SLC35F5: variants seen among roughly 807,000 people sequenced by gnomAD.
The protein encoded by SLC35F5 is HCV NS5A-transactivated protein 3.
SLC35F5 carries 54 observed loss-of-function variants against 68.6 expected under a neutral mutation model. That is an observed-to-expected ratio of 0.79 (90% confidence interval 0.63 to 0.99). The LOEUF (loss-of-function observed/expected upper bound fraction) is 0.99, where lower values mean the gene tolerates loss of function less well. Ranked by LOEUF, SLC35F5 falls within the 50% of genes least tolerant of loss-of-function variation. The pLI is 0.00. For synonymous variants in SLC35F5, 211 were observed against 205.2 expected (o/e 1.03, Z -0.24); for missense variants, 567 against 626.9 (o/e 0.90, Z 1.02).
chr2:113,713,111 A>C lies in SLC35F5; in HGVS notation c.*2107T>G, dbSNP rs1427253177. 1 of 152,238 alleles carries C rather than the reference A, an allele frequency of 6.6e-6. No individual in the cohort carries two copies. The highest frequency in any genetic ancestry group is 2.1e-4 in the South Asian group (1 of 4,836). 9.4% of individuals were successfully genotyped at this position (152,238 alleles called of 1,614,324 possible). ...AATGCAACAATCATTCAGATAAATA[A>C]AACCTGTGAGAAAAAGCAAACAGGT... On this transcript the variant is annotated 3_prime_UTR_variant, in exon 16 of 16. Transcript: ENST00000245680.
At position 113,712,421 on chromosome 2, in the gene SLC35F5, A is replaced by G. The variant is rs1251019918; in HGVS notation, c.*2797T>C. Among the ~76,000 whole-genome samples the G allele has an allele frequency of 1.3e-5, 2 of 151,972 alleles. No homozygotes were observed. Among genetic ancestry groups the G allele is most frequent in the African/African-American group, 4.8e-5 (2 of 41,364 alleles). Reference sequence around the variant, plus strand: ...AGGCTCCGCCTCCCGGGTTCACGCCATTCTGCTGCCTCAGCCTCCCGAGCA... The same window carrying G: ...AGGCTCCGCCTCCCGGGTTCACGCCGTTCTGCTGCCTCAGCCTCCCGAGCA... On this transcript the variant is annotated 3_prime_UTR_variant, in exon 16 of 16. Coordinates refer to ENST00000245680, the MANE Select transcript of SLC35F5 (RefSeq NM_025181.5).
At chr2:113,726,844 C>T (rs7600550) in intron 11 of SLC35F5, among the ~76,000 whole-genome samples, 75,247 of 152,088 alleles carry the variant, frequency 0.49, 19,267 homozygotes, top group Middle Eastern at 0.66. Context: ...TATACTTGTG[C>T]GCCACACGGT....
rs772003720 is a variant in SLC35F5, at chr2:113,735,877, A to G, written c.751-19T>C. 1.5e-5 allele frequency: 23 copies of G among 1,504,300 alleles called. No individual in the cohort carries two copies. The highest frequency in any genetic ancestry group is 2.1e-5 in the Non-Finnish European group (23 of 1,087,324). 93.2% of individuals were successfully genotyped at this position (1,504,300 alleles called of 1,614,324 possible). On this transcript the variant is annotated intron_variant, in intron 7 of 15. Coordinates refer to ENST00000245680, the MANE Select transcript of SLC35F5 (RefSeq NM_025181.5). ...AAAACCACTAAAGAAAAAGAAAACC[A>G]AAGTGAACCCTAATGAAAGACATGT...
intron 12 of SLC35F5, among the ~76,000 whole-genome samples, chr2:113,723,669 T>A (rs1251130690): frequency 6.6e-6 from 1 of 152,166 alleles, no homozygotes; most frequent in African/African-American, 2.4e-5. Context: ...TAAAATCATG[T>A]GTTACTCTTT....
chr2:113,721,252 C>T (rs960678020), intron 13 of SLC35F5: 2 of 151,690 alleles, frequency 1.3e-5, no homozygotes, highest in African/African-American at 2.4e-5. Context: ...TCCCTAACCT[C>T]AATCCTGACA....
intron 15 of SLC35F5, among the ~76,000 whole-genome samples, chr2:113,715,576 G>A (rs1460174516): frequency 6.6e-6 from 1 of 152,110 alleles, no homozygotes; most frequent in African/African-American, 2.4e-5. Context: ...TGCTGGATAT[G>A]GGTAGGTTTA....
rs150752545 is a variant in SLC35F5 at position 113,747,872 on chromosome 2, G to A, written c.418-1533C>T. Among the ~76,000 whole-genome samples the A allele has an allele frequency of 5.0e-3, 756 of 152,230 alleles. 8 individuals are homozygous for A. Among genetic ancestry groups the A allele is most frequent in the African/African-American group, 0.016 (671 of 41,546 alleles). On this transcript the variant is annotated intron_variant, in intron 4 of 15. Transcript: ENST00000245680. ...TCTGGGAGGCCGAGAGGGGTGGATC[G>A]CTTGGGGTCAGGAGTTCAAGACCAG...
chr2:113,753,420 G>T (rs563262469), intron 3 of SLC35F5, among the ~76,000 whole-genome samples: 103 of 152,050 alleles, frequency 6.8e-4, no homozygotes, highest in African/African-American at 2.3e-3. Flanking sequence ...CAGGTGATCT[G>T]CCCACCTGAT....
chr2:113,739,546 G>A (rs1688213228), intron 7 of SLC35F5, among the ~76,000 whole-genome samples: 1 of 152,016 alleles, frequency 6.6e-6, no homozygotes, highest in South Asian at 2.1e-4. Flanking sequence ...AAAATCTTTG[G>A]GATTTGTAGT....
Position 113,756,508 on chromosome 2 carries a change from C to T in SLC35F5, c.-99G>A. 1 of 1,512,644 alleles carries T rather than the reference C, an allele frequency of 6.6e-7. No homozygotes were observed. Among genetic ancestry groups the T allele is most frequent in the Admixed American group, 2.0e-5 (1 of 48,918 alleles). The allele number at this position is 1,512,644 out of a possible 1,614,324, so 93.7% of individuals were successfully genotyped here. The stretch of plus-strand genomic sequence containing the variant: ...CCTGACATCGCGCCGCACTGGAGGC[C>T]CAGCTCCTGAAGACGCGGTGCCCCT... On this transcript the variant is annotated 5_prime_UTR_variant, in exon 1 of 16. Transcript: ENST00000245680.
Position 113,717,693 on chromosome 2 carries a change from C to T in SLC35F5, c.*22+60G>A. 3.4e-6 allele frequency: 4 copies of T among 1,159,710 alleles called. No homozygotes were observed. The South Asian group carries it at 5.7e-5, about 17-fold the overall frequency. The allele number at this position is 1,159,710 out of a possible 1,614,324, so 71.8% of individuals were successfully genotyped here. A position where few individuals can be genotyped will look rare whatever the true frequency, so the allele number is the denominator to read the frequency against. ...AAACAACTAATTATAGAAAATCAATCCTTTGAATATTACACAGATAAGAAC... is the reference window on the plus strand; with the variant it reads ...AAACAACTAATTATAGAAAATCAATTCTTTGAATATTACACAGATAAGAAC... On this transcript the variant is annotated intron_variant, in intron 15 of 15. Transcript: ENST00000245680.
chr2:113,725,465 T>C lies in SLC35F5; in HGVS notation c.1163A>G (p.Asp388Gly). 4 of 1,610,948 alleles carry C rather than the reference T, an allele frequency of 2.5e-6. No homozygotes were observed. The highest frequency in any genetic ancestry group is 2.2e-5 in the East Asian group (1 of 44,820). ...TACTACTTTATTGGGAAACTCGAAG[T>C]CCTCAAATCCAGTATAATGAAGTAA... is the stretch of plus-strand genomic sequence containing the variant. ...FFLLHYTGFE[D>G]FEFPNKVVLM... The change falls in exon 12 of 16, where the codon GAC (aspartate) becomes GGC (glycine). Residue 388 changes from aspartate (D) to glycine (G), a missense_variant. Physicochemically the swap from Asp to Gly is moderately conservative, Grantham distance 94. Coordinates refer to ENST00000245680, the MANE Select transcript of SLC35F5 (RefSeq NM_025181.5).
intron 13 of SLC35F5, 24 bp downstream of exon 13, chr2:113,723,080 A>G: frequency 6.8e-7 from 1 of 1,479,490 alleles, no homozygotes; most frequent in Non-Finnish European, 9.1e-7. Context: ...TAAAATATCT[A>G]TGAATAATAA....
Position 113,729,441 on chromosome 2 carries a change from T to G in SLC35F5, c.1050A>C (p.Lys350Asn), listed in dbSNP as rs1314710974. 1 of 1,592,324 alleles carries G rather than the reference T, an allele frequency of 6.3e-7. No homozygotes were observed. Among genetic ancestry groups the G allele is most frequent in the African/African-American group, 1.4e-5 (1 of 73,746 alleles). ...TATCCAACTTGTCTTCTCTATCTAC[T>G]TTTCTCTTAATCATAACAATATAGA... ...YAVYIVMIKR[K>N]VDREDKLDIP... Residue 350 changes from lysine to asparagine, a missense_variant, in exon 11 of 16, where the codon AAA (lysine) becomes AAC (asparagine). Physicochemically the swap from Lys to Asn is moderately conservative, Grantham distance 94 (BLOSUM62 0). Coordinates refer to ENST00000245680, the MANE Select transcript of SLC35F5 (RefSeq NM_025181.5).
Position 113,729,520 on chromosome 2 carries a change from A to G in SLC35F5, c.986-15T>C. The G allele has an allele frequency of 6.9e-7, 1 of 1,441,404 alleles. No homozygotes were observed. The highest frequency in any genetic ancestry group is 9.7e-7 in the Non-Finnish European group (1 of 1,033,988). 89.3% of individuals were successfully genotyped at this position (1,441,404 alleles called of 1,614,324 possible). ...CCAAATGGAACCTGTAAAAATGGAC[A>G]TGATTTAAAGCAATCACTCATTAGC... On this transcript the variant is annotated splice_polypyrimidine_tract_variant and intron_variant, in intron 10 of 15. Coordinates refer to ENST00000245680, the MANE Select transcript of SLC35F5 (RefSeq NM_025181.5).
At chr2:113,730,283 C>G (rs1687830434) in intron 10 of SLC35F5, among the ~76,000 whole-genome samples, 1 of 152,182 alleles carries the variant, frequency 6.6e-6, no homozygotes, top group African/African-American at 2.4e-5. Context: ...CTTTTCAAAA[C>G]AGCTAAATAA....
intron 9 of SLC35F5, 114 bp from the exon 10 acceptor site, chr2:113,731,762 C>A (rs1053658322): frequency 2.7e-6 from 2 of 749,730 alleles, no homozygotes; most frequent in Non-Finnish European, 2.3e-6. Context: ...GTAAAACTAT[C>A]AAATAATTTA....
At chr2:113,716,721 A>G (rs1687196111) in intron 15 of SLC35F5, among the ~76,000 whole-genome samples, 1 of 152,244 alleles carries the variant, frequency 6.6e-6, no homozygotes, top group South Asian at 2.1e-4. Flanking sequence ...GAGTGGGAAG[A>G]AAATGAAAGC....
intron 5 of SLC35F5, chr2:113,744,004 A>G (rs1049369137): frequency 4.2e-5 from 16 of 381,568 alleles, no homozygotes; most frequent in Middle Eastern, 6.8e-4. Context: ...CAGTTTAGCA[A>G]TGTAATGTAA....
Sources: gnomAD v4.1 joint callset for allele counts (sites outside exome capture counted in the v4.1 genomes callset) on GRCh38, gnomAD v4.1.1 for gene constraint, MANE v1.5 for transcripts, NCBI Gene and HGNC (gene_info 2026-07-23, HGNC 2026-07-21) for gene names.